The following BANK1 variants were observed in gnomAD, a reference collection of about 807,000 sequenced individuals.
BANK1 encodes B-cell scaffold protein with ankyrin repeats.
In BANK1, 95 loss-of-function variants were observed where a neutral mutation model predicts 94.5. The observed-to-expected ratio is 1.00, with a 90% CI of 0.85 to 1.19. The LOEUF is 1.19. Ranked by LOEUF, BANK1 falls within the 50% of genes most tolerant of loss-of-function variation. The pLI is 0.00. For synonymous variants in BANK1, 334 were observed against 308.4 expected (o/e 1.08, Z -0.87); for missense variants, 987 against 932.2 (o/e 1.06, Z -0.77).
intron 6 of BANK1, among the ~76,000 whole-genome samples, chr4:101,905,645 A>G (rs1373262207): frequency 1.3e-5 from 2 of 152,002 alleles, no homozygotes; most frequent in African/African-American, 4.8e-5. Flanking sequence ...TATTTCCTTT[A>G]TCCACCCTCA....
At chr4:101,885,291 G>T (rs1728813312) in intron 5 of BANK1, among the ~76,000 whole-genome samples, 1 of 152,162 alleles carries the variant, frequency 6.6e-6, no homozygotes, top group Non-Finnish European at 1.5e-5. Context: ...CAATTTTGGG[G>T]TGAATTAAAA....
chr4:101,988,158 C>T lies in BANK1; in HGVS notation c.1207-33356C>T, dbSNP rs559351642. On this transcript the variant is annotated intron_variant, in intron 7 of 16. Coordinates refer to ENST00000322953, the MANE Select transcript of BANK1 (RefSeq NM_017935.5). ...CAAGGATCAGTTATCATTAGAGATC[C>T]TTCATATGGTTTATGTTTAACGAAA... Among the ~76,000 whole-genome samples the T allele has an allele frequency of 2.4e-4, 37 of 152,254 alleles. No individual in the cohort carries two copies. The South Asian group carries it at 6.6e-3, about 27-fold the overall frequency.
chr4:101,867,770 A>G (rs1728131379), intron 4 of BANK1, among the ~76,000 whole-genome samples: 2 of 150,034 alleles, frequency 1.3e-5, no homozygotes, highest in Admixed American at 1.3e-4. Context: ...ATAAATATAA[A>G]TAAATAAATA....
At chr4:102,003,730 G>T (rs2148937687) in intron 7 of BANK1, among the ~76,000 whole-genome samples, 1 of 152,220 alleles carries the variant, frequency 6.6e-6, no homozygotes, top group Non-Finnish European at 1.5e-5. Flanking sequence ...CTCTGGAAGA[G>T]CATGTTGAAG....
intron 7 of BANK1, among the ~76,000 whole-genome samples, chr4:101,923,175 T>G (rs1193238035): frequency 2.0e-5 from 3 of 151,802 alleles, no homozygotes; most frequent in Non-Finnish European, 4.4e-5. Flanking sequence ...GCATTCACCT[T>G]ATTTTCTGTT....
At chr4:101,936,545 CACGTAT>C (rs1306695857) in intron 7 of BANK1, among the ~76,000 whole-genome samples, 1 of 149,914 alleles carries the variant, frequency 6.7e-6, no homozygotes, top group African/African-American at 2.4e-5. Context: ...GATACACATA[CACGTAT>C]ACATATATGT....
chr4:102,055,742 G>C (rs7693723), intron 11 of BANK1, among the ~76,000 whole-genome samples: 41,360 of 151,850 alleles, frequency 0.27, 6,982 homozygotes, highest in African/African-American at 0.46. Context: ...TACACAAAAA[G>C]TACCTATTAA....
At chr4:101,818,890 T>A (rs112146358) in intron 1 of BANK1, among the ~76,000 whole-genome samples, 1,513 of 143,274 alleles carry the variant, frequency 0.011, 10 homozygotes, top group Non-Finnish European at 0.015. Context: ...TTTTTTTTTT[T>A]AGTTTACTGT....
chr4:101,849,244 T>A (rs1428342180), intron 2 of BANK1, among the ~76,000 whole-genome samples: 1 of 152,232 alleles, frequency 6.6e-6, no homozygotes, highest in Non-Finnish European at 1.5e-5. Flanking sequence ...CCTTGAAGTA[T>A]GTTCAGTTGA....
rs779320889 is a variant in BANK1, at chr4:101,798,569, TC to T, written c.70+7622del. Among the ~76,000 whole-genome samples the T allele has an allele frequency of 3.5e-4, 53 of 152,188 alleles. 1 individual carries two copies. The highest frequency in any genetic ancestry group is 3.2e-3 in the Middle Eastern group (1 of 316). On this transcript the variant is annotated intron_variant, in intron 1 of 16. Transcript: ENST00000322953. The stretch of plus-strand genomic sequence containing the variant: ...CCACAATGGTTGGACTAGTTTACAG[TC>T]CCACCAACAGTGTAAAAGTGTTCCT...
At chr4:102,070,167 G>A (rs922960661) in intron 13 of BANK1, among the ~76,000 whole-genome samples, 7 of 152,128 alleles carry the variant, frequency 4.6e-5, no homozygotes, top group Non-Finnish European at 8.8e-5. Context: ...GGAAAGAAAA[G>A]CATATTTGAA....
intron 3 of BANK1, among the ~76,000 whole-genome samples, chr4:101,859,444 A>G (rs576652138): frequency 1.3e-5 from 2 of 152,306 alleles, no homozygotes; most frequent in African/African-American, 4.8e-5. Flanking sequence ...CTTATGACCA[A>G]TGTAGCCAAG....
chr4:101,902,191 C>G (rs1373964536), intron 6 of BANK1, among the ~76,000 whole-genome samples: 1 of 152,136 alleles, frequency 6.6e-6, no homozygotes, highest in African/African-American at 2.4e-5. Context: ...AAACTTTTGA[C>G]AATAACAGAA....
Position 102,018,819 on chromosome 4 carries a change from C to CTTTT in BANK1, c.1207-2695_1207-2694insTTTT, listed in dbSNP as rs200697538. ...ATCTATTTCTTTTCTTTCTTTCTTT[C>CTTTT]CTTTTTTTTTTTTTTTTGAGACAGA... On this transcript the variant is annotated intron_variant, in intron 7 of 16. Coordinates refer to ENST00000322953, the MANE Select transcript of BANK1 (RefSeq NM_017935.5). 2.2e-4 allele frequency among the ~76,000 whole-genome samples: 31 copies of CTTTT among 141,086 alleles called. 3 individuals are homozygous for CTTTT. The highest frequency in any genetic ancestry group is 3.6e-4 in the African/African-American group (13 of 36,602). The allele number at this position is 141,086 out of a possible 152,430, so 92.6% of individuals were successfully genotyped here. A position where few individuals can be genotyped will look rare whatever the true frequency, so the allele number is the denominator to read the frequency against.
chr4:102,070,928 A>G (rs549464428), intron 13 of BANK1, among the ~76,000 whole-genome samples: 42 of 152,348 alleles, frequency 2.8e-4, no homozygotes, highest in South Asian at 2.3e-3. Context: ...ATTGAATTGT[A>G]TGTAATTATT....
At chr4:101,935,655 C>T (rs971022117) in intron 7 of BANK1, among the ~76,000 whole-genome samples, 2 of 151,348 alleles carry the variant, frequency 1.3e-5, no homozygotes, top group African/African-American at 4.8e-5. Context: ...GTCATCTTTC[C>T]CTCAAGTAAT....
intron 2 of BANK1, among the ~76,000 whole-genome samples, chr4:101,851,881 G>A (rs998242933): frequency 6.6e-6 from 1 of 152,154 alleles, no homozygotes; most frequent in African/African-American, 2.4e-5. Context: ...TAGCAGCTGG[G>A]AAAGTCCCAG....
rs554693011 is a variant in BANK1 at position 101,838,117 on chromosome 4, C to T, written c.469+7911C>T. 1.6e-4 allele frequency among the ~76,000 whole-genome samples: 24 copies of T among 152,026 alleles called. 1 individual carries two copies. The highest frequency in any genetic ancestry group is 2.7e-4 in the African/African-American group (11 of 41,446). On this transcript the variant is annotated intron_variant, in intron 2 of 16. Coordinates refer to ENST00000322953, the MANE Select transcript of BANK1 (RefSeq NM_017935.5). Reference sequence around the variant, plus strand: ...TGGGATTACAGGTGTGTGCTACGCCCGGCTAATTCTTTTGGATTTTTAGTA... The same window carrying T: ...TGGGATTACAGGTGTGTGCTACGCCTGGCTAATTCTTTTGGATTTTTAGTA...
intron 7 of BANK1, among the ~76,000 whole-genome samples, chr4:101,945,856 T>C (rs1723908816): frequency 6.6e-6 from 1 of 151,964 alleles, no homozygotes; most frequent in Non-Finnish European, 1.5e-5. Flanking sequence ...GGACATATAC[T>C]ACATACCCCC....
Sources: gnomAD v4.1 joint callset for allele counts (sites outside exome capture counted in the v4.1 genomes callset) on GRCh38, gnomAD v4.1.1 for gene constraint, MANE v1.5 for transcripts, NCBI Gene and HGNC (gene_info 2026-07-23, HGNC 2026-07-21) for gene names.